Variants in RTCB observed in about 807,000 individuals in gnomAD.
The protein encoded by RTCB is RNA 2',3'-cyclic phosphate and 5'-OH ligase.
Under a neutral mutation model 58.2 loss-of-function variants are expected in RTCB, and 32 were observed. That is an observed-to-expected ratio of 0.55 (90% CI 0.41 to 0.74). The LOEUF (loss-of-function observed/expected upper bound fraction) is 0.74, where lower values mean the gene tolerates loss of function less well. RTCB is among the 30% of genes least tolerant of loss of function. The pLI is 0.00. For synonymous variants in RTCB, 247 were observed against 218.6 expected (o/e 1.13, Z -1.15); for missense variants, 523 against 639.0 (o/e 0.82, Z 1.96).
intron 10 of RTCB, among the ~76,000 whole-genome samples, chr22:32,393,552 G>A (rs138966353): frequency 2.0e-5 from 3 of 152,288 alleles, no homozygotes; most frequent in East Asian, 3.9e-4. Context: ...CCAGTCAGTC[G>A]CTGAGATCAA....
chr22:32,408,794 A>G lies in RTCB; in HGVS notation c.133T>C (p.Leu45=), dbSNP rs1393079169. 3.7e-6 allele frequency: 6 copies of G among 1,613,982 alleles called. No homozygotes were observed. The highest frequency in any genetic ancestry group is 4.2e-6 in the Non-Finnish European group (5 of 1,179,892). Reference sequence around the variant, plus strand: ...GCATTCCTTAATTCCTCAAACATCAATTTCTCCAGAGCATCATTCACATAG... The same window carrying G: ...GCATTCCTTAATTCCTCAAACATCAGTTTCTCCAGAGCATCATTCACATAG... The part of the protein sequence containing the change: ...VFYVNDALEK[L]MFEELRNACR... Residue 45 remains leucine, a synonymous_variant, in exon 2 of 12, where the codon TTG becomes CTG. Transcript: ENST00000216038.
chr22:32,394,659 A>G (rs116050207), intron 9 of RTCB, among the ~76,000 whole-genome samples: 2,257 of 152,244 alleles, frequency 0.015, 64 homozygotes, highest in African/African-American at 0.052. Flanking sequence ...GAGCAAGCAG[A>G]CTATGGGGTC....
chr22:32,406,065 C>T (rs931399698), intron 4 of RTCB, among the ~76,000 whole-genome samples: 3 of 152,026 alleles, frequency 2.0e-5, no homozygotes, highest in South Asian at 2.1e-4. Flanking sequence ...GATCTGTCCA[C>T]GAGGTAACTG....
At chr22:32,401,600 C>T (rs1192040713) in intron 5 of RTCB, 147 bp downstream of exon 5, 1 of 818,924 alleles carries the variant, frequency 1.2e-6, no homozygotes, top group Non-Finnish European at 1.9e-6. Flanking sequence ...ATGGGCTGTA[C>T]CTCATGCTTA....
At chr22:32,400,044 G>T (rs2145894040) in intron 5 of RTCB, 1 of 239,814 alleles carries the variant, frequency 4.2e-6, no homozygotes. Context: ...TTTATATTCA[G>T]TTTTGCCTCT....
intron 11 of RTCB, among the ~76,000 whole-genome samples, chr22:32,390,151 T>A (rs1933127978): frequency 1.3e-5 from 2 of 152,230 alleles, no homozygotes; most frequent in Admixed American, 1.3e-4. Flanking sequence ...CTTTCCCTGC[T>A]TTTTATTTCA....
intron 9 of RTCB, 137 bp downstream of exon 9, chr22:32,394,889 T>C (rs1031010708): frequency 1.9e-5 from 14 of 730,718 alleles, no homozygotes; most frequent in South Asian, 1.0e-4. Flanking sequence ...TCAGAGAAGA[T>C]TGGGAATCAC....
chr22:32,405,479 C>T (rs1601430603), intron 4 of RTCB, among the ~76,000 whole-genome samples: 1 of 152,256 alleles, frequency 6.6e-6, no homozygotes, highest in East Asian at 1.9e-4. Context: ...TGCAAGTGCA[C>T]ATACACACAC....
chr22:32,404,205 T>C (rs866156648), intron 4 of RTCB, among the ~76,000 whole-genome samples: 10 of 152,238 alleles, frequency 6.6e-5, no homozygotes, highest in African/African-American at 2.2e-4. Flanking sequence ...CATATGGTAG[T>C]TCTATTTTCG....
At chr22:32,409,984 A>G (rs1203380081) in intron 1 of RTCB, among the ~76,000 whole-genome samples, 1 of 151,864 alleles carries the variant, frequency 6.6e-6, no homozygotes, top group Admixed American at 6.6e-5. Flanking sequence ...CGCCCAGCTA[A>G]TTTTTTGTAT....
intron 8 of RTCB, among the ~76,000 whole-genome samples, chr22:32,395,717 A>G (rs1050963384): frequency 1.3e-5 from 2 of 151,986 alleles, no homozygotes; most frequent in Non-Finnish European, 2.9e-5. Flanking sequence ...TTTTGGAGAC[A>G]GGAGTCTCAC....
intron 1 of RTCB, among the ~76,000 whole-genome samples, chr22:32,411,714 C>T (rs1413977281): frequency 6.6e-6 from 1 of 152,166 alleles, no homozygotes; most frequent in Non-Finnish European, 1.5e-5. Flanking sequence ...GCTGGCTGTT[C>T]CACCCTGGAA....
At position 32,403,046 on chromosome 22, in the gene RTCB, A is replaced by G. The variant is rs183194531; in HGVS notation, c.341-1143T>C. Among the ~76,000 whole-genome samples, 424 of 151,244 alleles carry G rather than the reference A, an allele frequency of 2.8e-3. 1 individual carries two copies. The highest frequency in any genetic ancestry group is 4.1e-3 in the Admixed American group (62 of 15,260). On this transcript the variant is annotated intron_variant, in intron 4 of 11. Coordinates refer to ENST00000216038, the MANE Select transcript of RTCB (RefSeq NM_014306.5). Reference sequence around the variant, plus strand: ...AGGTATGAGCCACCGCATCCAGCCTATAAGTATTTTTTAAATCATTTTCTC... The same window carrying G: ...AGGTATGAGCCACCGCATCCAGCCTGTAAGTATTTTTTAAATCATTTTCTC...
chr22:32,388,372 A>G (rs1222480476), intron 11 of RTCB, among the ~76,000 whole-genome samples: 1 of 152,164 alleles, frequency 6.6e-6, no homozygotes, highest in Non-Finnish European at 1.5e-5. Context: ...TAGTAAATGT[A>G]AGTAAATAAA....
chr22:32,388,362 T>C (rs1933094317), intron 11 of RTCB, among the ~76,000 whole-genome samples: 1 of 152,236 alleles, frequency 6.6e-6, no homozygotes, highest in Non-Finnish European at 1.5e-5. Context: ...CTAGGAAATG[T>C]AGTAAATGTA....
chr22:32,411,173 G>A (rs904975996), intron 1 of RTCB, among the ~76,000 whole-genome samples: 2 of 152,216 alleles, frequency 1.3e-5, no homozygotes, highest in Non-Finnish European at 2.9e-5. Flanking sequence ...CTGAATAAAA[G>A]AATGGAGTGA....
At chr22:32,408,628 G>T (rs913586832) in intron 2 of RTCB, 127 bp downstream of exon 2, 8 of 711,402 alleles carry the variant, frequency 1.1e-5, no homozygotes, top group Non-Finnish European at 1.7e-5. Context: ...AGTGCTTTTG[G>T]TCTTACTTTT....
intron 7 of RTCB, among the ~76,000 whole-genome samples, chr22:32,396,949 G>C (rs1380273245): frequency 6.6e-6 from 1 of 152,144 alleles, no homozygotes; most frequent in Non-Finnish European, 1.5e-5. Context: ...CTGTTGCCCA[G>C]AAGGAATGCT....
intron 4 of RTCB, 73 bp from the exon 5 acceptor site, chr22:32,401,976 G>A: frequency 6.9e-7 from 1 of 1,445,206 alleles, no homozygotes; most frequent in Non-Finnish European, 9.5e-7. Context: ...CCATTAATAT[G>A]GAACTATAAA....
Sources: allele counts gnomAD v4.1 joint callset (sites outside exome capture counted in the v4.1 genomes callset), GRCh38; gene constraint gnomAD v4.1.1; transcripts MANE v1.5; gene names NCBI Gene and HGNC (gene_info 2026-07-23, HGNC 2026-07-21).